NALF1: variants seen among roughly 807,000 people sequenced by gnomAD.
NALF1 encodes NALCN channel auxiliary factor 1.
A neutral mutation model predicts 48.4 loss-of-function variants in NALF1; 3 were observed. The ratio of observed to expected loss-of-function variants is 0.06; its 90% confidence interval spans 0.03 to 0.16. The LOEUF (loss-of-function observed/expected upper bound fraction) is 0.16, where lower values mean the gene tolerates loss of function less well. Ranked by LOEUF, NALF1 falls within the 10% of genes least tolerant of loss-of-function variation. The pLI is 1.00. For synonymous variants in NALF1, 262 were observed against 245.7 expected, an observed-to-expected ratio of 1.07 and a Z score of -0.62; for missense variants, 526 against 571.5, an observed-to-expected ratio of 0.92 and a Z score of 0.81.
intron 1 of NALF1, among the ~76,000 whole-genome samples, chr13:107,410,405 C>A (rs567991693): frequency 2.0e-5 from 3 of 152,172 alleles, no homozygotes; most frequent in African/African-American, 7.2e-5. Context: ...CAAGGATTGG[C>A]CTATGAAACC....
intron 1 of NALF1, among the ~76,000 whole-genome samples, chr13:107,238,802 T>C (rs140259624): frequency 3.3e-5 from 5 of 152,202 alleles, no homozygotes; most frequent in East Asian, 1.9e-4. Context: ...GTCATGGAAA[T>C]AGGGCCTTTT....
intron 1 of NALF1, among the ~76,000 whole-genome samples, chr13:107,652,111 A>C (rs1420595055): frequency 1.3e-5 from 2 of 152,216 alleles, no homozygotes; most frequent in Non-Finnish European, 2.9e-5. Context: ...CACTAAAAAA[A>C]GACGGAGTAC....
chr13:107,792,561 T>G (rs1459798331), intron 1 of NALF1, among the ~76,000 whole-genome samples: 1 of 152,196 alleles, frequency 6.6e-6, no homozygotes, highest in Non-Finnish European at 1.5e-5. Context: ...ACATTGTAAG[T>G]GCAGTGTCCA....
At chr13:107,712,909 T>C (rs779203657) in intron 1 of NALF1, among the ~76,000 whole-genome samples, 31 of 152,200 alleles carry the variant, frequency 2.0e-4, no homozygotes, top group Non-Finnish European at 1.9e-4. Flanking sequence ...ACAAGGAAAA[T>C]AGACACTGAG....
chr13:107,695,848 T>C (rs891960399), intron 1 of NALF1, among the ~76,000 whole-genome samples: 1 of 152,006 alleles, frequency 6.6e-6, no homozygotes, highest in African/African-American at 2.4e-5. Flanking sequence ...TCCAATGAAT[T>C]AGTACAACTC....
chr13:107,246,407 TAAGCTA>T (rs142707959), intron 1 of NALF1, among the ~76,000 whole-genome samples: 29,537 of 152,034 alleles, frequency 0.19, 3,487 homozygotes, highest in South Asian at 0.42. Context: ...TAGAGTATTA[TAAGCTA>T]AAGCTAAAGC....
rs753572972 is a variant in NALF1, at chr13:107,866,146, C to G, written c.451G>C (p.Asp151His). Residue 151 changes from aspartate to histidine, a missense_variant, in exon 1 of 3, where the codon GAC becomes CAC. Around this residue, in one of 2 missense-constraint regions of NALF1, gnomAD observed 373 missense variants for 355.5 expected, o/e 1.05. Coordinates refer to ENST00000375915, the MANE Select transcript of NALF1 (RefSeq NM_001080396.3). This position sits in a 1 kb window ranked among gnomAD's most constrained non-coding sequence, Gnocchi z 4.4. ...GGGKGNRGKD[D>H]RGKALFLGNS... ...CCTAGAAAAAGAGCCTTGCCCCGGT[C>G]GTCTTTGCCTCGGTTGCCCTTGCCG... 1 of 1,610,556 alleles carries G rather than the reference C, an allele frequency of 6.2e-7. No homozygotes were observed. The highest frequency in any genetic ancestry group is 8.5e-7 in the Non-Finnish European group (1 of 1,178,952).
rs1566469344 is a variant in NALF1, at chr13:107,754,388, CA to C, written c.915+111293del. 2.4e-4 allele frequency among the ~76,000 whole-genome samples: 35 copies of C among 146,698 alleles called. No individual in the cohort carries two copies. The East Asian group carries it at 3.5e-3, about 15-fold the overall frequency. On this transcript the variant is annotated intron_variant, in intron 1 of 2. Transcript: ENST00000375915. ...ACACACACACACACACACACACACA[CA>C]CACACACACCATATATGGAACCGCT...
chr13:107,718,212 C>T (rs1450765072), intron 1 of NALF1, among the ~76,000 whole-genome samples: 13 of 152,190 alleles, frequency 8.5e-5, no homozygotes, highest in Non-Finnish European at 5.9e-5. Flanking sequence ...GATGTTCTTT[C>T]TCTCTGTTAT....
At position 107,362,747 on chromosome 13, in the gene NALF1, C is replaced by T. The variant is rs1369421671; in HGVS notation, c.916-151992G>A. On this transcript the variant is annotated intron_variant, in intron 1 of 2. Coordinates refer to ENST00000375915, the MANE Select transcript of NALF1 (RefSeq NM_001080396.3). The surrounding 1 kb of genome is among the most constrained non-coding windows in gnomAD (Gnocchi z 4.6). ...GGGATGTGGAGCTCCTATGATCCAG[C>T]AAACACCGTGTGTGCTTTTACAACT... Among the ~76,000 whole-genome samples, 5 of 152,100 alleles carry T rather than the reference C, an allele frequency of 3.3e-5. No homozygotes were observed. Among genetic ancestry groups the T allele is most frequent in the Admixed American group, 3.3e-4 (5 of 15,258 alleles).
chr13:107,352,341 G>C (rs1261863565), intron 1 of NALF1, among the ~76,000 whole-genome samples: 2 of 152,154 alleles, frequency 1.3e-5, no homozygotes, highest in Non-Finnish European at 2.9e-5. Flanking sequence ...GCCAGGAGGG[G>C]TTCATTTAGT....
chr13:107,686,601 C>T (rs1043549162), intron 1 of NALF1, among the ~76,000 whole-genome samples: 5 of 151,992 alleles, frequency 3.3e-5, no homozygotes, highest in Non-Finnish European at 7.4e-5. Context: ...ACCGTGTTGG[C>T]CAGGATGGTC....
chr13:107,434,108 T>C (rs1884426059), intron 1 of NALF1, among the ~76,000 whole-genome samples: 1 of 152,204 alleles, frequency 6.6e-6, no homozygotes, highest in South Asian at 2.1e-4. Flanking sequence ...ACTAAGGGCA[T>C]AGCCAATTTG....
intron 2 of NALF1, among the ~76,000 whole-genome samples, chr13:107,200,778 T>C (rs1280563817): frequency 6.6e-6 from 1 of 152,210 alleles, no homozygotes; most frequent in Non-Finnish European, 1.5e-5. Flanking sequence ...GGATGTTGTG[T>C]CATGAGCACC....
intron 1 of NALF1, among the ~76,000 whole-genome samples, chr13:107,782,972 G>A (rs1877950885): frequency 6.7e-6 from 1 of 148,970 alleles, no homozygotes; most frequent in South Asian, 2.1e-4. Context: ...GGAGGTGGGG[G>A]GTCAGCCCCC....
intron 1 of NALF1, among the ~76,000 whole-genome samples, chr13:107,804,219 T>C (rs1387969823): frequency 6.6e-6 from 1 of 152,228 alleles, no homozygotes; most frequent in African/African-American, 2.4e-5. Flanking sequence ...GCAATTTGTC[T>C]TCAAGACCTT....
At chr13:107,847,070 G>A (rs7321280) in intron 1 of NALF1, among the ~76,000 whole-genome samples, 120,292 of 151,982 alleles carry the variant, frequency 0.79, 47,756 homozygotes, top group Admixed American at 0.85. Flanking sequence ...AAACTTTAGA[G>A]TTGATTTTAT....
intron 1 of NALF1, among the ~76,000 whole-genome samples, chr13:107,286,120 G>C: frequency 6.6e-6 from 1 of 152,184 alleles, no homozygotes; most frequent in East Asian, 1.9e-4. Flanking sequence ...TCAAACTGTT[G>C]AAAGTCATAG....
chr13:107,795,207 C>A (rs951912240), intron 1 of NALF1, among the ~76,000 whole-genome samples: 7 of 152,044 alleles, frequency 4.6e-5, no homozygotes, highest in Non-Finnish European at 7.4e-5. Context: ...TAAAACATAG[C>A]CAAGCTAAAT....
Sources: allele counts gnomAD v4.1 joint callset (sites outside exome capture counted in the v4.1 genomes callset), GRCh38; gene constraint gnomAD v4.1.1; regional missense constraint gnomAD v4.1.1; non-coding constraint Gnocchi (gnomAD v3.1); transcripts MANE v1.5; gene names NCBI Gene and HGNC (gene_info 2026-07-23, HGNC 2026-07-21).